FAT3: variants seen among roughly 807,000 people sequenced by gnomAD.
FAT3 encodes the protein protocadherin Fat 3.
In FAT3, 95 loss-of-function variants were observed where a neutral mutation model predicts 310.2. The ratio of observed to expected loss-of-function variants is 0.31; its 90% CI spans 0.26 to 0.36. The LOEUF (loss-of-function observed/expected upper bound fraction) is 0.36. Ranked by LOEUF, FAT3 falls within the 10% of genes least tolerant of loss-of-function variation. FAT3 has a pLI of 1.00. For synonymous variants in FAT3, 2,314 were observed against 2,192.9 expected, an observed-to-expected ratio of 1.06 and a Z score of -1.54; for missense variants, 5,408 against 5,715.6, an observed-to-expected ratio of 0.95 and a Z score of 1.74.
intron 1 of FAT3, among the ~76,000 whole-genome samples, chr11:92,229,514 G>GTTTTTTTTTTTTTTTTTTTTTTT (rs1241053262): frequency 2.2e-4 from 13 of 59,300 alleles, no homozygotes; most frequent in Non-Finnish European, 2.7e-4. Flanking sequence ...TTTGTTTTTT[G>GTTTTTTTTTTTTTTTTTTTTTTT]TTTTTTTTTA....
At chr11:92,664,772 A>T (rs1248212423) in intron 3 of FAT3, among the ~76,000 whole-genome samples, 1 of 152,214 alleles carries the variant, frequency 6.6e-6, no homozygotes, top group Admixed American at 6.5e-5. Context: ...CATCTTTCTT[A>T]TGCAATATAG....
At chr11:92,501,259 T>C (rs1952930315) in intron 2 of FAT3, among the ~76,000 whole-genome samples, 1 of 152,080 alleles carries the variant, frequency 6.6e-6, no homozygotes. Flanking sequence ...TGATCTTTAA[T>C]TAGTTCAGGT....
At chr11:92,302,284 A>C (rs1156787518) in intron 1 of FAT3, among the ~76,000 whole-genome samples, 2 of 151,740 alleles carry the variant, frequency 1.3e-5, no homozygotes, top group African/African-American at 4.8e-5. Flanking sequence ...ACATTACAGA[A>C]ACCGAAGTTC....
At chr11:92,761,307 G>A (rs998289055) in intron 4 of FAT3, among the ~76,000 whole-genome samples, 1 of 152,108 alleles carries the variant, frequency 6.6e-6, no homozygotes, top group Non-Finnish European at 1.5e-5. Context: ...TCTTTCGAAG[G>A]GCACTAATCC....
In FAT3 at chr11:92,478,948, C is replaced by CTTTCTTTTCTTTTCTTTTCT. The variant is rs113372595; in HGVS notation, c.3293-45658_3293-45639dup. On this transcript the variant is annotated intron_variant, in intron 2 of 27. Coordinates refer to ENST00000525166, the MANE Select transcript of FAT3 (RefSeq NM_001367949.2). ...TTTCTTTCCTTCTCTTTCTTTCTTTCTTTCTTTTCTTTTCTTTTCTTTTCT... is the reference window on the plus strand; with the variant it reads ...TTTCTTTCCTTCTCTTTCTTTCTTTCTTTCTTTTCTTTTCTTTTCTTTTCTTTTCTTTTCTTTTCTTTTCT... Among the ~76,000 whole-genome samples, 225 of 114,518 alleles carry CTTTCTTTTCTTTTCTTTTCT rather than the reference C, an allele frequency of 2.0e-3. 4 individuals are homozygous for CTTTCTTTTCTTTTCTTTTCT. The highest frequency in any genetic ancestry group is 4.1e-3 in the Middle Eastern group (1 of 244). The allele number at this position is 114,518 out of a possible 152,430, so 75.1% of individuals were successfully genotyped here. A position where few individuals can be genotyped will look rare whatever the true frequency, so the allele number is the denominator to read the frequency against.
At chr11:92,371,502 G>A (rs927464654) in intron 2 of FAT3, among the ~76,000 whole-genome samples, 9 of 152,192 alleles carry the variant, frequency 5.9e-5, no homozygotes, top group African/African-American at 2.2e-4. Context: ...GATCACTTGA[G>A]TCCAGGAGTT....
rs1478829106 is a variant in FAT3, at chr11:92,801,635, G to T, written c.8622G>T (p.Trp2874Cys). 4.3e-6 allele frequency: 7 copies of T among 1,613,776 alleles called. No homozygotes were observed. Among genetic ancestry groups the T allele is most frequent in the Non-Finnish European group, 3.4e-6 (4 of 1,179,824 alleles). Residue 2874 changes from tryptophan (W) to cysteine (C), a missense_variant, in exon 10 of 28, where the codon TGG becomes TGT. Physicochemically the swap from Trp to Cys is radical, Grantham distance 215 (BLOSUM62 -2). Transcript: ENST00000525166. ...TCAATATTGACAGCAACACGGGCTG[G>T]ATCAGTACCTTGAAGGACCTAGATC... Reference protein sequence around the residue: ...EAFNIDSNTGWISTLKDLDHE... With the variant: ...EAFNIDSNTGCISTLKDLDHE...
At chr11:92,311,313 G>A (rs920739704) in intron 1 of FAT3, among the ~76,000 whole-genome samples, 10 of 152,062 alleles carry the variant, frequency 6.6e-5, no homozygotes, top group East Asian at 5.8e-4. Context: ...TACAAGGACC[G>A]TTTGGTAGTA....
At chr11:92,406,783 C>T (rs1205491846) in intron 2 of FAT3, 1 of 152,152 alleles carries the variant, frequency 6.6e-6, no homozygotes. Flanking sequence ...ACCCAATGTC[C>T]AGATTGCAGG....
intron 2 of FAT3, among the ~76,000 whole-genome samples, chr11:92,363,529 C>A (rs897916885): frequency 6.6e-6 from 1 of 152,196 alleles, no homozygotes; most frequent in Non-Finnish European, 1.5e-5. Context: ...ACTTGCCTGG[C>A]AACTTCTCTT....
At chr11:92,304,418 G>A (rs1319064312) in intron 1 of FAT3, among the ~76,000 whole-genome samples, 1 of 152,108 alleles carries the variant, frequency 6.6e-6, no homozygotes, top group African/African-American at 2.4e-5. Context: ...TTGTCCATTA[G>A]TTGGGAGTTG....
At chr11:92,414,654 A>G (rs1054374842) in intron 2 of FAT3, among the ~76,000 whole-genome samples, 1 of 152,214 alleles carries the variant, frequency 6.6e-6, no homozygotes, top group Admixed American at 6.5e-5. Flanking sequence ...AAGCTATACA[A>G]TAAAAGGATA....
At chr11:92,719,493 CTATGA>C (rs765735817) in intron 4 of FAT3, among the ~76,000 whole-genome samples, 51,037 of 147,990 alleles carry the variant, frequency 0.34, 8,902 homozygotes, top group African/African-American at 0.41. Flanking sequence ...AAACTATGAA[CTATGA>C]AACCTGTATT....
intron 2 of FAT3, among the ~76,000 whole-genome samples, chr11:92,475,893 GA>G (rs1952039109): frequency 6.6e-6 from 1 of 152,102 alleles, no homozygotes; most frequent in Admixed American, 6.5e-5. Flanking sequence ...AGGCTTTATG[GA>G]GAGAGCAGGT....
chr11:92,485,738 C>A (rs1386757208), intron 2 of FAT3, among the ~76,000 whole-genome samples: 1 of 152,024 alleles, frequency 6.6e-6, no homozygotes, highest in East Asian at 1.9e-4. Flanking sequence ...CTAGAACAAA[C>A]CAGAAAGGCA....
At chr11:92,366,522 C>G (rs555941146) in intron 2 of FAT3, 4 of 481,586 alleles carry the variant, frequency 8.3e-6, no homozygotes, top group African/African-American at 7.9e-5. Context: ...CCCTCGGCAG[C>G]CGCAGCTTCC....
rs888749776 is a variant in FAT3, at chr11:92,224,843, A to C, written c.-349A>C. On this transcript the variant is annotated 5_prime_UTR_variant, in exon 1 of 28. Transcript: ENST00000525166. ...AGTAGCGGCGGCGGCTGCAGCTCGGAGCAGACAGGAGAGCCGGCGCTCCTC... is the reference window on the plus strand; with the variant it reads ...AGTAGCGGCGGCGGCTGCAGCTCGGCGCAGACAGGAGAGCCGGCGCTCCTC... Among the ~76,000 whole-genome samples, 3 of 151,504 alleles carry C rather than the reference A, an allele frequency of 2.0e-5. No homozygotes were observed. Among genetic ancestry groups the C allele is most frequent in the African/African-American group, 7.3e-5 (3 of 41,140 alleles).
intron 16 of FAT3, among the ~76,000 whole-genome samples, 151 bp downstream of exon 16, chr11:92,836,854 G>C (rs922583512): frequency 6.6e-6 from 1 of 152,130 alleles, no homozygotes; most frequent in Non-Finnish European, 1.5e-5. Context: ...TGAAATATTA[G>C]GGTTAGACCT....
intron 3 of FAT3, among the ~76,000 whole-genome samples, chr11:92,693,778 GTATT>G (rs1295337694): frequency 7.9e-5 from 12 of 152,256 alleles, no homozygotes; most frequent in African/African-American, 2.9e-4. Flanking sequence ...ATAACAAGAT[GTATT>G]TATTTATTTT....
Sources: gnomAD v4.1 joint callset for allele counts (sites outside exome capture counted in the v4.1 genomes callset) on GRCh38, gnomAD v4.1.1 for gene constraint, MANE v1.5 for transcripts, NCBI Gene and HGNC (gene_info 2026-07-23, HGNC 2026-07-21) for gene names.